The following SLC16A7 variants were observed in gnomAD, a reference collection of about 807,000 sequenced individuals.
SLC16A7 encodes the protein solute carrier family 16 member 7.
A neutral mutation model predicts 34.9 loss-of-function variants in SLC16A7; 33 were observed. The ratio of observed to expected loss-of-function variants is 0.94; its 90% CI spans 0.72 to 1.26. The LOEUF (loss-of-function observed/expected upper bound fraction) is 1.26, where lower values mean the gene tolerates loss of function less well. Ranked by LOEUF, SLC16A7 falls within the 50% of genes most tolerant of loss-of-function variation. The pLI is 0.00. For synonymous variants in SLC16A7, 201 were observed against 206.6 expected (o/e 0.97, Z 0.23); for missense variants, 573 against 578.1 (o/e 0.99, Z 0.09).
chr12:59,745,084 G>C (rs1234371692), intron 3 of SLC16A7, among the ~76,000 whole-genome samples: 1 of 152,082 alleles, frequency 6.6e-6, no homozygotes, highest in Non-Finnish European at 1.5e-5. Context: ...TCAGAAACCA[G>C]GTATTTACAC....
chr12:59,612,667 T>C (rs1319987563), intron 1 of SLC16A7, among the ~76,000 whole-genome samples: 2 of 152,222 alleles, frequency 1.3e-5, no homozygotes. Context: ...TCTTGAATGC[T>C]TTGCTGCTTA....
At chr12:59,614,016 G>A (rs928449541) in intron 1 of SLC16A7, among the ~76,000 whole-genome samples, 3 of 151,166 alleles carry the variant, frequency 2.0e-5, no homozygotes, top group African/African-American at 7.3e-5. Flanking sequence ...TGATCCTGAT[G>A]CAGCATGTGC....
intron 1 of SLC16A7, among the ~76,000 whole-genome samples, chr12:59,599,034 A>G (rs1440589860): frequency 1.3e-5 from 2 of 152,226 alleles, no homozygotes; most frequent in Non-Finnish European, 2.9e-5. Flanking sequence ...AGCTGGGGCA[A>G]GCACCGATGC....
chr12:59,733,665 G>A (rs879149905), intron 3 of SLC16A7: 12 of 454,802 alleles, frequency 2.6e-5, no homozygotes, highest in Admixed American at 1.2e-4. Context: ...TGGCAATCCC[G>A]GAGTGTTTCA....
intron 1 of SLC16A7, among the ~76,000 whole-genome samples, chr12:59,625,951 T>A (rs1427098119): frequency 1.3e-5 from 2 of 151,830 alleles, no homozygotes; most frequent in African/African-American, 2.4e-5. Flanking sequence ...AGGAGCAGAT[T>A]TTTTCCAAAA....
At chr12:59,640,685 G>T (rs1018587191) in intron 1 of SLC16A7, among the ~76,000 whole-genome samples, 2 of 151,590 alleles carry the variant, frequency 1.3e-5, no homozygotes, top group African/African-American at 4.8e-5. Context: ...CCATTTGATT[G>T]ACAGATACAA....
chr12:59,701,327 T>C, intron 2 of SLC16A7, among the ~76,000 whole-genome samples: 1 of 150,784 alleles, frequency 6.6e-6, no homozygotes, highest in Non-Finnish European at 1.5e-5. Flanking sequence ...ACAGAGTAAA[T>C]GATGGAGCCA....
chr12:59,616,772 A>G (rs1879472474), intron 1 of SLC16A7, among the ~76,000 whole-genome samples: 1 of 152,146 alleles, frequency 6.6e-6, no homozygotes, highest in African/African-American at 2.4e-5. Flanking sequence ...AGCCTATTAT[A>G]TGAGGAGAAC....
chr12:59,678,350 G>A (rs1193584873), intron 2 of SLC16A7, among the ~76,000 whole-genome samples: 1 of 152,122 alleles, frequency 6.6e-6, no homozygotes, highest in East Asian at 1.9e-4. Context: ...AGGTGAAGAG[G>A]AGTTTTATTG....
At chr12:59,764,795 G>A (rs747292085) in intron 3 of SLC16A7, among the ~76,000 whole-genome samples, 352 of 152,104 alleles carry the variant, frequency 2.3e-3, no homozygotes, top group Non-Finnish European at 4.0e-3. Flanking sequence ...ATAAACATAC[G>A]TGTGCATGTG....
chr12:59,750,451 A>AT (rs1206555356), intron 3 of SLC16A7, among the ~76,000 whole-genome samples: 2 of 152,230 alleles, frequency 1.3e-5, no homozygotes, highest in African/African-American at 2.4e-5. Flanking sequence ...GCCAAGAAAC[A>AT]TGAAAAAAAG....
chr12:59,686,875 A>G (rs1206213871), intron 2 of SLC16A7, among the ~76,000 whole-genome samples: 1 of 152,068 alleles, frequency 6.6e-6, no homozygotes, highest in Non-Finnish European at 1.5e-5. Context: ...ATTATACATC[A>G]TGGTGACTGC....
chr12:59,624,816 T>C (rs534595033), intron 1 of SLC16A7, among the ~76,000 whole-genome samples: 4 of 151,292 alleles, frequency 2.6e-5, no homozygotes, highest in Non-Finnish European at 4.4e-5. Context: ...ATTTCTGGTA[T>C]AGTGACAATG....
intron 5 of SLC16A7, among the ~76,000 whole-genome samples, chr12:59,775,939 TAC>T: frequency 6.6e-6 from 1 of 152,162 alleles, no homozygotes; most frequent in Non-Finnish European, 1.5e-5. Context: ...GCTGAGAAAA[TAC>T]ATTTATAATA....
At chr12:59,609,175 A>G (rs1222373141) in intron 1 of SLC16A7, among the ~76,000 whole-genome samples, 2 of 152,172 alleles carry the variant, frequency 1.3e-5, no homozygotes, top group African/African-American at 2.4e-5. Context: ...CCTACTTCCT[A>G]GGGGAATGGA....
chr12:59,702,327 A>C (rs992046887), intron 2 of SLC16A7, among the ~76,000 whole-genome samples: 4 of 151,982 alleles, frequency 2.6e-5, no homozygotes, highest in Non-Finnish European at 5.9e-5. Context: ...GACCAAGGAG[A>C]AATAAACCTA....
chr12:59,753,479 TA>T (rs948279010), intron 3 of SLC16A7, among the ~76,000 whole-genome samples: 5 of 152,202 alleles, frequency 3.3e-5, no homozygotes, highest in African/African-American at 1.2e-4. Context: ...AAACAGACTT[TA>T]AACCAACAAA....
Position 59,783,688 on chromosome 12 carries a change from G to A in SLC16A7, c.*4009G>A, listed in dbSNP as rs1396276944. The A allele has an allele frequency of 7.7e-6, 1 of 130,056 alleles. No homozygotes were observed. The highest frequency in any genetic ancestry group is 1.6e-5 in the Non-Finnish European group (1 of 63,080). 8.1% of individuals were successfully genotyped at this position (130,056 alleles called of 1,614,324 possible). A position where few individuals can be genotyped will look rare whatever the true frequency, so the allele number is the denominator to read the frequency against. ...TTTTTTGAGACTGAGTCTCGTTCTT[G>A]TCGCCCAGGCTGGCGTGCAGTGGCA... On this transcript the variant is annotated 3_prime_UTR_variant, in exon 6 of 6. Transcript: ENST00000547379.
intron 1 of SLC16A7, among the ~76,000 whole-genome samples, chr12:59,611,178 A>G (rs1879175605): frequency 6.6e-6 from 1 of 152,170 alleles, no homozygotes; most frequent in Admixed American, 6.5e-5. Context: ...CATATCTGAG[A>G]CTGGGTAATT....
Sources: allele counts gnomAD v4.1 joint callset (sites outside exome capture counted in the v4.1 genomes callset), GRCh38; gene constraint gnomAD v4.1.1; transcripts MANE v1.5; gene names NCBI Gene and HGNC (gene_info 2026-07-23, HGNC 2026-07-21).